Variants in ERICH6 observed in about 807,000 individuals in gnomAD.
The protein encoded by ERICH6 is glutamate rich 6.
In ERICH6, 71 loss-of-function variants were observed where a neutral mutation model predicts 71.0. The observed-to-expected ratio is 1.00, with a 90% CI of 0.83 to 1.22. The LOEUF (loss-of-function observed/expected upper bound fraction) is 1.22, where lower values mean the gene tolerates loss of function less well. Ranked by LOEUF, ERICH6 falls within the 50% of genes most tolerant of loss-of-function variation. ERICH6 has a pLI of 0.00. For synonymous variants in ERICH6, 262 were observed against 278.4 expected (o/e 0.94, Z 0.59); for missense variants, 808 against 797.2 (o/e 1.01, Z -0.16).
Position 150,703,716 on chromosome 3 carries a change from C to T in ERICH6, c.183G>A (p.Val61=), listed in dbSNP as rs759190517. 3.1e-6 allele frequency: 5 copies of T among 1,607,542 alleles called. No individual in the cohort carries two copies. In the African/African-American group the frequency reaches 5.4e-5, roughly 17 times the overall value. ...EEEEVVEEEL[V]GEEQELEAPE... ...GGGCCTCCAACTCCTGCTCTTCCCC[C>T]ACCAACTCCTCCTCCACCACCTCCT... Residue 61 remains valine, a synonymous_variant, in exon 1 of 14, where the codon GTG becomes GTA. Coordinates refer to ENST00000295910, the MANE Select transcript of ERICH6 (RefSeq NM_152394.5).
At chr3:150,670,529 AAAAAAAGG>A (rs1386051289) in intron 11 of ERICH6, among the ~76,000 whole-genome samples, 2 of 152,032 alleles carry the variant, frequency 1.3e-5, no homozygotes, top group African/African-American at 4.8e-5. Context: ...TTTAGGGAAA[AAAAAAAGG>A]AAATGAAAAG....
chr3:150,666,230 A>G (rs7629616), intron 13 of ERICH6, among the ~76,000 whole-genome samples: 22,341 of 152,194 alleles, frequency 0.15, 1,798 homozygotes, highest in African/African-American at 0.22. Context: ...GAGTTACAGA[A>G]GTCAACAAGA....
intron 6 of ERICH6, among the ~76,000 whole-genome samples, chr3:150,685,351 G>A (rs1275721640): frequency 6.6e-6 from 1 of 152,226 alleles, no homozygotes; most frequent in South Asian, 2.1e-4. Context: ...GACACACAGA[G>A]AGAATGCTGT....
At chr3:150,673,706 A>T (rs1711549200) in intron 11 of ERICH6, among the ~76,000 whole-genome samples, 1 of 152,058 alleles carries the variant, frequency 6.6e-6, no homozygotes, top group South Asian at 2.1e-4. Context: ...CTTCTACTTC[A>T]GTCTCCCGAG....
chr3:150,692,543 A>C (rs977498966), intron 3 of ERICH6, among the ~76,000 whole-genome samples: 19 of 152,162 alleles, frequency 1.2e-4, no homozygotes, highest in Non-Finnish European at 2.8e-4. Context: ...TTGGTATAAA[A>C]ATTATACAGG....
chr3:150,695,783 A>G (rs937097345), intron 3 of ERICH6, among the ~76,000 whole-genome samples: 15 of 150,662 alleles, frequency 1.0e-4, no homozygotes, highest in African/African-American at 3.6e-4. Flanking sequence ...TATACTATAT[A>G]TATATATATG....
At chr3:150,673,931 A>G (rs775863610) in intron 11 of ERICH6, 25 bp downstream of exon 11, 46 of 1,605,320 alleles carry the variant, frequency 2.9e-5, no homozygotes, top group Non-Finnish European at 3.8e-5. Flanking sequence ...AAAGCTAATA[A>G]AAATAACTTG....
At chr3:150,680,677 C>G (rs1711872740) in intron 8 of ERICH6, 96 bp downstream of exon 8, 2 of 1,556,232 alleles carry the variant, frequency 1.3e-6, no homozygotes, top group African/African-American at 1.4e-5. Context: ...AATACATCTT[C>G]AAAGTTATAT....
At chr3:150,693,266 T>C (rs141856813) in intron 3 of ERICH6, among the ~76,000 whole-genome samples, 92 of 152,312 alleles carry the variant, frequency 6.0e-4, no homozygotes, top group African/African-American at 2.1e-3. Context: ...CAGAACACAA[T>C]TGGAGAAAAT....
In ERICH6 at chr3:150,674,056, AAAG is replaced by A. The variant is rs746663697; in HGVS notation, c.1258-18_1258-16del. 2.2e-5 allele frequency: 36 copies of A among 1,607,546 alleles called. No individual in the cohort carries two copies. The East Asian group carries it at 2.5e-4, about 11-fold the overall frequency. ...TTCCTGACAACCTATACACCACAGA[AAAG>A]AAAAGACACTTAATTGTTTCGGACA... On this transcript the variant is annotated splice_polypyrimidine_tract_variant and intron_variant, in intron 10 of 13. Transcript: ENST00000295910.
intron 2 of ERICH6, among the ~76,000 whole-genome samples, chr3:150,700,057 A>G (rs13078022): frequency 0.44 from 67,042 of 151,428 alleles, 15,048 homozygotes; most frequent in South Asian, 0.52. Flanking sequence ...GCAAAGAAGC[A>G]ATGTCTTCAG....
chr3:150,691,746 T>C (rs1712443992), intron 3 of ERICH6, among the ~76,000 whole-genome samples: 2 of 152,272 alleles, frequency 1.3e-5, no homozygotes, highest in African/African-American at 2.4e-5. Context: ...GGTTATTACA[T>C]CTGTGTATCC....
intron 1 of ERICH6, among the ~76,000 whole-genome samples, chr3:150,702,919 TGAGAGA>T (rs370919227): frequency 1.9e-5 from 2 of 107,800 alleles, no homozygotes; most frequent in African/African-American, 7.8e-5. Context: ...TGTGTGTCTG[TGAGAGA>T]GAGAGAGAGG....
intron 6 of ERICH6, among the ~76,000 whole-genome samples, chr3:150,685,422 C>T (rs1712138514): frequency 6.6e-6 from 1 of 152,120 alleles, no homozygotes; most frequent in South Asian, 2.1e-4. Context: ...AAAACTGCTG[C>T]CACCACCACA....
At chr3:150,692,350 T>G (rs1345705430) in intron 3 of ERICH6, among the ~76,000 whole-genome samples, 1 of 152,174 alleles carries the variant, frequency 6.6e-6, no homozygotes, top group Non-Finnish European at 1.5e-5. Context: ...GTTATCACTT[T>G]GGTTAAATGA....
intron 1 of ERICH6, 88 bp downstream of exon 1, chr3:150,703,408 T>A: frequency 6.9e-7 from 1 of 1,452,088 alleles, no homozygotes. Context: ...GACGCGCAGG[T>A]CGACGAAGGC....
At chr3:150,669,246 T>A in intron 12 of ERICH6, 50 bp downstream of exon 12, 1 of 1,532,484 alleles carries the variant, frequency 6.5e-7, no homozygotes. Context: ...AAACAAAATT[T>A]CCCAGAACAA....
intron 13 of ERICH6, among the ~76,000 whole-genome samples, chr3:150,662,257 A>G (rs1405073587): frequency 6.6e-6 from 1 of 152,238 alleles, no homozygotes; most frequent in Non-Finnish European, 1.5e-5. Flanking sequence ...GGTACAACTC[A>G]CAAAGAAGAG....
At chr3:150,670,844 GA>G (rs1176583954) in intron 11 of ERICH6, among the ~76,000 whole-genome samples, 1 of 152,186 alleles carries the variant, frequency 6.6e-6, no homozygotes, top group Admixed American at 6.5e-5. Flanking sequence ...AGGCTGGTTA[GA>G]AGTCCAGAAA....
Sources: gnomAD v4.1 joint callset for allele counts (sites outside exome capture counted in the v4.1 genomes callset) on GRCh38, gnomAD v4.1.1 for gene constraint, MANE v1.5 for transcripts, NCBI Gene and HGNC (gene_info 2026-07-23, HGNC 2026-07-21) for gene names.